The following GRM7 variants were observed in gnomAD, a reference collection of about 807,000 sequenced individuals.
GRM7 encodes glutamate metabotropic receptor 7, also known as metabotropic glutamate receptor 7.
GRM7 carries 35 observed loss-of-function variants against 84.5 expected under a neutral mutation model. The observed-to-expected ratio is 0.41, with a 90% CI of 0.32 to 0.55. The LOEUF (loss-of-function observed/expected upper bound fraction) is 0.55. Ranked by LOEUF, GRM7 falls within the 20% of genes least tolerant of loss-of-function variation. The pLI, the probability that GRM7 is intolerant of heterozygous loss-of-function variation, is 0.19. For synonymous variants in GRM7, 487 were observed against 455.1 expected (o/e 1.07, Z -0.89); for missense variants, 1,003 against 1,194.6 (o/e 0.84, Z 2.36).
chr3:7,464,042 G>T (rs1559341060), intron 7 of GRM7, among the ~76,000 whole-genome samples: 1 of 152,166 alleles, frequency 6.6e-6, no homozygotes, highest in Admixed American at 6.5e-5. Flanking sequence ...TCAAACTTCA[G>T]TGTGCCTCAG....
At chr3:7,405,988 G>A (rs1430044842) in intron 4 of GRM7, among the ~76,000 whole-genome samples, 1 of 151,284 alleles carries the variant, frequency 6.6e-6, no homozygotes, top group East Asian at 1.9e-4. Flanking sequence ...TATATATAAT[G>A]GTAATACTAT....
intron 2 of GRM7, among the ~76,000 whole-genome samples, chr3:7,247,770 A>C (rs1249821856): frequency 6.6e-6 from 1 of 152,032 alleles, no homozygotes; most frequent in Non-Finnish European, 1.5e-5. Context: ...CCTACAAATC[A>C]AAAATAAAAA....
chr3:7,436,372 T>A (rs1697057354), intron 5 of GRM7, among the ~76,000 whole-genome samples: 1 of 152,186 alleles, frequency 6.6e-6, no homozygotes, highest in South Asian at 2.1e-4. Context: ...TAGGGTCACA[T>A]ACAGTCTTTG....
chr3:7,001,693 TTTA>T, intron 1 of GRM7, among the ~76,000 whole-genome samples: 1 of 134,240 alleles, frequency 7.4e-6, no homozygotes, highest in African/African-American at 3.4e-5. Context: ...TTGAAATTAA[TTTA>T]TTTTTGAACA....
intron 8 of GRM7, among the ~76,000 whole-genome samples, chr3:7,645,060 C>A (rs1351047339): frequency 6.6e-6 from 1 of 152,098 alleles, no homozygotes; most frequent in Non-Finnish European, 1.5e-5. Flanking sequence ...AACTAGGTTT[C>A]ACATCCCTAC....
intron 1 of GRM7, among the ~76,000 whole-genome samples, chr3:6,922,179 G>A (rs1004757498): frequency 6.6e-6 from 1 of 152,170 alleles, no homozygotes; most frequent in Non-Finnish European, 1.5e-5. Context: ...CATAGCCCAT[G>A]CTTTTAACCT....
intron 1 of GRM7, among the ~76,000 whole-genome samples, chr3:6,908,872 T>C (rs1696671823): frequency 1.3e-5 from 2 of 152,156 alleles, no homozygotes; most frequent in South Asian, 4.1e-4. Flanking sequence ...CTGAAGTGAA[T>C]GCTTTGGGAG....
At chr3:7,488,088 G>T (rs1049220395) in intron 7 of GRM7, among the ~76,000 whole-genome samples, 1 of 152,134 alleles carries the variant, frequency 6.6e-6, no homozygotes, top group East Asian at 1.9e-4. Context: ...GACTTACTTT[G>T]TTCCAGTTGC....
chr3:7,572,821 C>CAAAAAAAAAAAAAAAAA (rs1437470999), intron 7 of GRM7, among the ~76,000 whole-genome samples: 3 of 20,972 alleles, frequency 1.4e-4, no homozygotes, highest in African/African-American at 5.6e-4. Context: ...GACTCTATCT[C>CAAAAAAAAAAAAAAAAA]AAATATATAT....
At chr3:7,647,404 A>G (rs1045565270) in intron 8 of GRM7, among the ~76,000 whole-genome samples, 1 of 152,206 alleles carries the variant, frequency 6.6e-6, no homozygotes, top group African/African-American at 2.4e-5. Flanking sequence ...CAACTGGGAA[A>G]GGAACTGAAT....
At chr3:6,994,753 A>T (rs1694774308) in intron 1 of GRM7, among the ~76,000 whole-genome samples, 1 of 152,148 alleles carries the variant, frequency 6.6e-6, no homozygotes, top group Admixed American at 6.5e-5. Context: ...ATATCTTTTT[A>T]GTAATTGTAC....
chr3:7,198,155 TAA>T (rs55839391), intron 2 of GRM7, among the ~76,000 whole-genome samples: 1,911 of 137,648 alleles, frequency 0.014, 41 homozygotes, highest in African/African-American at 0.05. Flanking sequence ...GATAAAATGT[TAA>T]AAAAAAAAAA....
At chr3:7,733,396 T>A (rs56392540) in intron 9 of GRM7, among the ~76,000 whole-genome samples, 6 of 152,166 alleles carry the variant, frequency 3.9e-5, no homozygotes, top group Non-Finnish European at 8.8e-5. Flanking sequence ...GAGCCAAAGA[T>A]GCCAGGCTCT....
chr3:7,150,366 C>T (rs1397417343), intron 2 of GRM7, among the ~76,000 whole-genome samples: 3 of 152,072 alleles, frequency 2.0e-5, no homozygotes, highest in Non-Finnish European at 4.4e-5. Flanking sequence ...ATAAGCGCCT[C>T]TTCATTATTT....
At chr3:7,666,566 C>A (rs532746860) in intron 8 of GRM7, among the ~76,000 whole-genome samples, 7 of 152,044 alleles carry the variant, frequency 4.6e-5, no homozygotes, top group East Asian at 1.9e-4. Flanking sequence ...ATCCTCTGCA[C>A]GATGCAAGTC....
rs547537846 is a variant in GRM7, at chr3:6,908,026, C to T, written c.519+46119C>T. ...AAGAAGATTACATATACTGTACATA[C>T]GCTAAACTATGCAATAACAAAACTA... On this transcript the variant is annotated intron_variant, in intron 1 of 9. Coordinates refer to ENST00000357716, the MANE Select transcript of GRM7 (RefSeq NM_000844.4). Among the ~76,000 whole-genome samples, 116 of 152,152 alleles carry T rather than the reference C, an allele frequency of 7.6e-4. 1 individual carries two copies. The highest frequency in any genetic ancestry group is 2.7e-3 in the African/African-American group (111 of 41,512).
intron 4 of GRM7, among the ~76,000 whole-genome samples, chr3:7,334,367 G>A (rs888353563): frequency 1.3e-5 from 2 of 151,926 alleles, no homozygotes; most frequent in Non-Finnish European, 2.9e-5. Context: ...GATTTTGCCT[G>A]CTACCAAGCC....
chr3:7,070,169 G>T (rs555634686), intron 1 of GRM7, among the ~76,000 whole-genome samples: 2 of 152,010 alleles, frequency 1.3e-5, no homozygotes, highest in Non-Finnish European at 2.9e-5. Context: ...AGTTTCCAAA[G>T]TGTATTTCAT....
Position 7,529,654 on chromosome 3 carries a change from A to G in GRM7, c.1516-48768A>G, listed in dbSNP as rs200343067. On this transcript the variant is annotated intron_variant, in intron 7 of 9. Transcript: ENST00000357716. Reference sequence around the variant, plus strand: ...GTTGCCTGTATGATTCCCTGAATGCATGAACACCTTTGCATTTTGCTCAAG... The same window carrying G: ...GTTGCCTGTATGATTCCCTGAATGCGTGAACACCTTTGCATTTTGCTCAAG... 3.9e-5 allele frequency among the ~76,000 whole-genome samples: 6 copies of G among 152,184 alleles called. No individual in the cohort carries two copies. The East Asian group carries it at 1.2e-3, about 29-fold the overall frequency.
Sources: allele counts gnomAD v4.1 joint callset (sites outside exome capture counted in the v4.1 genomes callset), GRCh38; gene constraint gnomAD v4.1.1; transcripts MANE v1.5; gene names NCBI Gene and HGNC (gene_info 2026-07-23, HGNC 2026-07-21).